Variants in NRXN1 observed in about 807,000 individuals in gnomAD.
The protein encoded by NRXN1 is neurexin 1, also known as neurexin-1.
Under a neutral mutation model 150.9 loss-of-function variants are expected in NRXN1, and 39 were observed. The ratio of observed to expected loss-of-function variants is 0.26; its 90% CI spans 0.20 to 0.34. The LOEUF (loss-of-function observed/expected upper bound fraction) is 0.34. Among genes scored for constraint, NRXN1 ranks in the 10% least tolerant of loss-of-function variants. The pLI, the probability that NRXN1 is intolerant of heterozygous loss-of-function variation, is 1.00. For missense variants in NRXN1, 1,815 were observed against 1,949.9 expected (o/e 0.93, Z 1.30); for synonymous variants, 924 against 757.0 (o/e 1.22, Z -3.62).
rs190941892 is a variant in NRXN1 at position 49,944,639 on chromosome 2, C to G, written c.4129-848G>C. 3.3e-4 allele frequency among the ~76,000 whole-genome samples: 50 copies of G among 152,262 alleles called. 1 individual carries two copies. In the East Asian group the frequency reaches 9.3e-3, roughly 28 times the overall value. On this transcript the variant is annotated intron_variant, in intron 21 of 22. Coordinates refer to ENST00000401669, the MANE Select transcript of NRXN1 (RefSeq NM_001330078.2). ...CACGAAAAGTTGTTCTTTATTGCCA[C>G]TGACAAGCTGCAGTAAATTCAGCAT...
At chr2:50,992,196 A>G (rs1358749424) in intron 2 of NRXN1, among the ~76,000 whole-genome samples, 3 of 151,992 alleles carry the variant, frequency 2.0e-5, no homozygotes, top group African/African-American at 7.2e-5. Flanking sequence ...AACTAGCAAT[A>G]ATGAGTTTAT....
chr2:50,353,139 A>T (rs938730736), intron 17 of NRXN1, among the ~76,000 whole-genome samples: 2 of 152,062 alleles, frequency 1.3e-5, no homozygotes, highest in African/African-American at 4.8e-5. Context: ...TCAAGTCAAG[A>T]TTGGTTGTGT....
At chr2:50,493,426 TA>T (rs918482004) in intron 15 of NRXN1, among the ~76,000 whole-genome samples, 3 of 152,178 alleles carry the variant, frequency 2.0e-5, no homozygotes, top group African/African-American at 7.2e-5. Context: ...CCACAGCACC[TA>T]AAAGTGCTGT....
intron 21 of NRXN1, among the ~76,000 whole-genome samples, chr2:50,010,865 C>T (rs1053750881): frequency 5.3e-5 from 8 of 152,070 alleles, no homozygotes; most frequent in Non-Finnish European, 8.8e-5. Flanking sequence ...GTTATCAATG[C>T]TAATTATAAA....
chr2:50,462,132 C>T (rs555103500), intron 17 of NRXN1, among the ~76,000 whole-genome samples: 11 of 151,844 alleles, frequency 7.2e-5, no homozygotes, highest in Non-Finnish European at 1.2e-4. Context: ...GTCTAGCACG[C>T]TTTGATTTTA....
intron 5 of NRXN1, among the ~76,000 whole-genome samples, chr2:50,628,485 C>T (rs1264596027): frequency 6.6e-6 from 1 of 151,588 alleles, no homozygotes; most frequent in African/African-American, 2.4e-5. Flanking sequence ...CATGAAAGAA[C>T]ATATATACTA....
chr2:51,019,092 C>G (rs1257607989), intron 2 of NRXN1, among the ~76,000 whole-genome samples: 2 of 152,002 alleles, frequency 1.3e-5, no homozygotes, highest in Non-Finnish European at 2.9e-5. Context: ...TAAAATAGTA[C>G]CAACCTGAAA....
intron 8 of NRXN1, among the ~76,000 whole-genome samples, chr2:50,610,053 G>GA (rs1007294594): frequency 6.6e-6 from 1 of 151,742 alleles, no homozygotes; most frequent in African/African-American, 2.4e-5. Context: ...TTTTCCTGGG[G>GA]AAAAAAAGAC....
intron 2 of NRXN1, among the ~76,000 whole-genome samples, chr2:50,939,870 T>C (rs754467353): frequency 3.9e-5 from 6 of 152,210 alleles, no homozygotes; most frequent in Admixed American, 3.9e-4. Flanking sequence ...ATCCATATAG[T>C]AGTTAACTGA....
chr2:50,485,830 C>G (rs533503323), intron 15 of NRXN1, among the ~76,000 whole-genome samples: 25 of 152,150 alleles, frequency 1.6e-4, no homozygotes, highest in Non-Finnish European at 3.1e-4. Flanking sequence ...TCTGCCAGAC[C>G]AAGAGTCCCA....
intron 5 of NRXN1, among the ~76,000 whole-genome samples, chr2:50,827,596 T>TTTTA (rs551118904): frequency 1.2e-4 from 18 of 152,182 alleles, no homozygotes; most frequent in East Asian, 3.9e-4. Context: ...AAATTAATGT[T>TTTTA]TTTATTTATT....
chr2:50,562,374 C>G (rs1007542607), intron 8 of NRXN1, among the ~76,000 whole-genome samples: 4 of 138,192 alleles, frequency 2.9e-5, no homozygotes, highest in African/African-American at 1.2e-4. Flanking sequence ...TGATTTCCTA[C>G]AGTCTGTCCT....
intron 18 of NRXN1, among the ~76,000 whole-genome samples, chr2:50,127,007 C>T (rs531030697): frequency 1.5e-4 from 23 of 152,250 alleles, no homozygotes; most frequent in South Asian, 6.2e-4. Flanking sequence ...ACAAGTTATA[C>T]GACCATGATT....
intron 17 of NRXN1, among the ~76,000 whole-genome samples, chr2:50,452,843 A>T (rs1414969977): frequency 6.6e-6 from 1 of 152,202 alleles, no homozygotes; most frequent in Non-Finnish European, 1.5e-5. Context: ...TTCAAAGAAC[A>T]CAAAAGAATA....
chr2:50,067,104 A>G (rs1023541639), intron 19 of NRXN1, among the ~76,000 whole-genome samples: 1 of 152,172 alleles, frequency 6.6e-6, no homozygotes, highest in Non-Finnish European at 1.5e-5. Context: ...AGGCTTTTAT[A>G]TCCAGTTAAA....
At chr2:50,991,349 C>A (rs571698323) in intron 2 of NRXN1, among the ~76,000 whole-genome samples, 2 of 152,016 alleles carry the variant, frequency 1.3e-5, no homozygotes, top group African/African-American at 4.8e-5. Flanking sequence ...TAAATTATAC[C>A]TAAGGTGGAA....
chr2:50,327,708 G>A (rs1028185238), intron 17 of NRXN1, among the ~76,000 whole-genome samples: 2 of 151,098 alleles, frequency 1.3e-5, no homozygotes, highest in Non-Finnish European at 2.9e-5. Flanking sequence ...GAAGTGCAGT[G>A]GAAAAATCTC....
chr2:50,626,278 G>T (rs1481535413), intron 5 of NRXN1, among the ~76,000 whole-genome samples: 1 of 151,384 alleles, frequency 6.6e-6, no homozygotes, highest in African/African-American at 2.4e-5. Flanking sequence ...TAAAAAAACA[G>T]GTAAAAAGCT....
At chr2:50,501,632 C>T (rs918856573) in intron 13 of NRXN1, among the ~76,000 whole-genome samples, 2 of 144,086 alleles carry the variant, frequency 1.4e-5, no homozygotes, top group Non-Finnish European at 3.1e-5. Context: ...AAAGGACATA[C>T]ACACACAGAT....
Sources: gnomAD v4.1 joint callset for allele counts (sites outside exome capture counted in the v4.1 genomes callset) on GRCh38, gnomAD v4.1.1 for gene constraint, MANE v1.5 for transcripts, NCBI Gene and HGNC (gene_info 2026-07-23, HGNC 2026-07-21) for gene names.